NES: variants seen among roughly 807,000 people sequenced by gnomAD.
The protein encoded by NES is nestin.
A neutral mutation model predicts 35.6 loss-of-function variants in NES; 27 were observed. That is an observed-to-expected ratio of 0.76 (90% confidence interval 0.56 to 1.04). NES has a LOEUF of 1.04. NES is among the 50% of genes least tolerant of loss of function. The probability of loss-of-function intolerance (pLI) is 0.00; values close to 1 mark genes in which losing one functional copy is unlikely to be tolerated. For synonymous variants in NES, 822 were observed against 824.2 expected, an observed-to-expected ratio of 1.00 and a Z score of 0.04; for missense variants, 1,867 against 1,983.6, an observed-to-expected ratio of 0.94 and a Z score of 1.12.
At position 156,676,933 on chromosome 1, in the gene NES, C is replaced by A; in HGVS notation, c.332G>T (p.Arg111Leu). ...ARERTTEEVA[R>L]NRRAVEAEKC... Reference sequence around the variant, plus strand: ...CTCTGCCTCGACGGCGCGCCGGTTGCGGGCTACCTCCTCCGTCGTCCGCTC... The same window carrying A: ...CTCTGCCTCGACGGCGCGCCGGTTGAGGGCTACCTCCTCCGTCGTCCGCTC... The change falls in exon 1 of 4, where the codon CGC becomes CTC. Residue 111 changes from arginine (R) to leucine (L), a missense_variant. Transcript: ENST00000368223. This position sits in a 1 kb window ranked among gnomAD's most constrained non-coding sequence, Gnocchi z 5.3. The A allele has an allele frequency of 6.4e-7, 1 of 1,551,678 alleles. No individual in the cohort carries two copies. Among genetic ancestry groups the A allele is most frequent in the Non-Finnish European group, 8.6e-7 (1 of 1,157,468 alleles).
Position 156,671,606 on chromosome 1 carries a change from T to C in NES, c.2582A>G (p.Asn861Ser). Residue 861 changes from asparagine to serine, a missense_variant, in exon 4 of 4, where the codon AAT becomes AGT. Coordinates refer to ENST00000368223, the MANE Select transcript of NES (RefSeq NM_006617.2). ...TPEEINQGAM[N>S]PLEKEIQEPL... ...TTCTTGAATTTCCTTTTCTAGAGGA[T>C]TCATTGCCCCCTGATTTATTTCTTC... 1 of 1,614,016 alleles carries C rather than the reference T, an allele frequency of 6.2e-7. No individual in the cohort carries two copies. Among genetic ancestry groups the C allele is most frequent in the African/African-American group, 1.3e-5 (1 of 75,052 alleles).
rs1030608563 is a variant in NES, at chr1:156,672,061, C to T, written c.2127G>A (p.Glu709=). 9.9e-6 allele frequency: 16 copies of T among 1,612,894 alleles called. No homozygotes were observed. Among genetic ancestry groups the T allele is most frequent in the Non-Finnish European group, 1.3e-5 (15 of 1,179,834 alleles). The change falls in exon 4 of 4, where the codon GAG becomes GAA. Residue 709 remains glutamate (E), a synonymous_variant. Coordinates refer to ENST00000368223, the MANE Select transcript of NES (RefSeq NM_006617.2). ...TCTCTTTTTCTAGAGATCTAAAGGCCTCTTTGTTCTCATCTTCAAGAGACC... is the reference window on the plus strand; with the variant it reads ...TCTCTTTTTCTAGAGATCTAAAGGCTTCTTTGTTCTCATCTTCAAGAGACC... ...PLRSLEDENK[E]AFRSLEKENQ... is the part of the protein sequence containing the mutation.
In NES at chr1:156,671,557, G is replaced by C. The variant is rs1234941863; in HGVS notation, c.2631C>G (p.Asn877Lys). The change falls in exon 4 of 4, where the codon AAC (asparagine) becomes AAG (lysine). Residue 877 changes from asparagine to lysine, a missense_variant. By Grantham distance (94) the Asn-to-Lys change is moderately conservative. Coordinates refer to ENST00000368223, the MANE Select transcript of NES (RefSeq NM_006617.2). Reference protein sequence around the residue: ...IQEPLESVEVNQETFRLLEEE... With the variant: ...IQEPLESVEVKQETFRLLEEE... Reference sequence around the variant, plus strand: ...CTTCCAGGAGTCTGAATGTCTCTTGGTTCACTTCCACAGACTCCAGTGGTT... The same window carrying C: ...CTTCCAGGAGTCTGAATGTCTCTTGCTTCACTTCCACAGACTCCAGTGGTT... 1.9e-6 allele frequency: 3 copies of C among 1,613,834 alleles called. No individual in the cohort carries two copies. In the East Asian group the frequency reaches 6.7e-5, roughly 36 times the overall value.
In NES at chr1:156,670,809, C is replaced by T. The variant is rs756991221; in HGVS notation, c.3379G>A (p.Glu1127Lys). ...EEVMEPPLEE[E>K]SLEAKRVQGL... ...TGAACCCTCTTTGCCTCCAAACTCT[C>T]CTCTTCCAGGGGTGGTTCCATCACC... The change falls in exon 4 of 4, where the codon GAG becomes AAG. Residue 1127 changes from glutamate to lysine, a missense_variant. Coordinates refer to ENST00000368223, the MANE Select transcript of NES (RefSeq NM_006617.2). 1.9e-6 allele frequency: 3 copies of T among 1,614,004 alleles called. No individual in the cohort carries two copies. The highest frequency in any genetic ancestry group is 2.2e-5 in the South Asian group (2 of 91,092).
rs766762866 is a variant in NES at position 156,676,596 on chromosome 1, C to T, written c.669G>A (p.Leu223=). The T allele has an allele frequency of 6.2e-5, 97 of 1,576,536 alleles. No individual in the cohort carries two copies. Among genetic ancestry groups the T allele is most frequent in the Non-Finnish European group, 7.6e-5 (89 of 1,169,478 alleles). The part of the protein sequence containing the change: ...RAVQGAREGR[L]ELQQLQAERG... ...GCTCAGCCTGGAGCTGCTGCAGCTC[C>T]AGGCGGCCCTCGCGGGCACCCTGCA... is the stretch of plus-strand genomic sequence containing the variant. The change falls in exon 1 of 4, where the codon CTG becomes CTA. Residue 223 remains leucine, a synonymous_variant. Transcript: ENST00000368223. The surrounding 1 kb of genome is among the most constrained non-coding windows in gnomAD (Gnocchi z 5.3).
In NES at chr1:156,672,507, C is replaced by G; in HGVS notation, c.1681G>C (p.Glu561Gln). 1 of 1,613,512 alleles carries G rather than the reference C, an allele frequency of 6.2e-7. No individual in the cohort carries two copies. The highest frequency in any genetic ancestry group is 8.5e-7 in the Non-Finnish European group (1 of 1,179,802). ...EEIQESLKTL[E>Q]NQSHETLERE... Reference sequence around the variant, plus strand: ...TCTAGTGTCTCATGGCTCTGGTTTTCCAGAGTCTTCAGTGACTCTTGAATC... The same window carrying G: ...TCTAGTGTCTCATGGCTCTGGTTTTGCAGAGTCTTCAGTGACTCTTGAATC... Residue 561 changes from glutamate to glutamine, a missense_variant, in exon 4 of 4, where the codon GAA becomes CAA. By Grantham distance (29) the Glu-to-Gln change is conservative. Transcript: ENST00000368223.
At position 156,676,954 on chromosome 1, in the gene NES, C is replaced by A. The variant is rs1205881310; in HGVS notation, c.311G>T (p.Arg104Leu). The change falls in exon 1 of 4, where the codon CGG becomes CTG. Residue 104 changes from arginine to leucine, a missense_variant. By Grantham distance (102) the Arg-to-Leu change is moderately radical. Coordinates refer to ENST00000368223, the MANE Select transcript of NES (RefSeq NM_006617.2). This position sits in a 1 kb window ranked among gnomAD's most constrained non-coding sequence, Gnocchi z 5.3. ...RCQQLRLARE[R>L]TTEEVARNRR... is the part of the protein sequence containing the mutation. ...GTTGCGGGCTACCTCCTCCGTCGTC[C>A]GCTCCCGGGCCAGCCGCAGCTGCTG... 1 of 1,556,792 alleles carries A rather than the reference C, an allele frequency of 6.4e-7. No individual in the cohort carries two copies. The highest frequency in any genetic ancestry group is 1.2e-5 in the South Asian group (1 of 85,834).
In NES at chr1:156,672,950, G is replaced by C; in HGVS notation, c.1238C>G (p.Ser413Cys). The change falls in exon 4 of 4, where the codon TCT (serine) becomes TGT (cysteine). Residue 413 changes from serine to cysteine, a missense_variant. Transcript: ENST00000368223. Reference protein sequence around the residue: ...AEIRAQDAPLSLLQTQGGRKQ... With the variant: ...AEIRAQDAPLCLLQTQGGRKQ... ...CCTCCCACCCTGTGTCTGGAGCAGA[G>C]AGAGAGGAGCATCCTGGGCTCTGAT... 1 of 1,614,120 alleles carries C rather than the reference G, an allele frequency of 6.2e-7. No individual in the cohort carries two copies. The highest frequency in any genetic ancestry group is 1.1e-5 in the South Asian group (1 of 91,086).
In NES at chr1:156,671,260, A is replaced by G; in HGVS notation, c.2928T>C (p.Asp976=). 6.2e-7 allele frequency: 1 copy of G among 1,613,910 alleles called. No individual in the cohort carries two copies. Among genetic ancestry groups the G allele is most frequent in the Non-Finnish European group, 8.5e-7 (1 of 1,179,976 alleles). ...GCTCCCTCAGATTCAGCTCTGCCTC[A>G]TCCTCATTTTCCACTCCAGCCATCC... ...PPGMAGVENE[D]EAELNLREQD... The change falls in exon 4 of 4, where the codon GAT becomes GAC. Residue 976 remains aspartate (D), a synonymous_variant. Transcript: ENST00000368223.
At position 156,677,066 on chromosome 1, in the gene NES, C is replaced by G. The variant is rs757246210; in HGVS notation, c.199G>C (p.Val67Leu). The change falls in exon 1 of 4, where the codon GTT becomes CTT. Residue 67 changes from valine to leucine, a missense_variant. By Grantham distance (32) the Val-to-Leu change is conservative. Coordinates refer to ENST00000368223, the MANE Select transcript of NES (RefSeq NM_006617.2). This position sits in a 1 kb window ranked among gnomAD's most constrained non-coding sequence, Gnocchi z 4.5. ...DDELAALRAL[V>L]DQRWREKHAA... ...TGCTTCTCCCGCCAGCGTTGGTCAACGAGGGCCCGCAGGGCCGCCAGCTCG... is the reference window on the plus strand; with the variant it reads ...TGCTTCTCCCGCCAGCGTTGGTCAAGGAGGGCCCGCAGGGCCGCCAGCTCG... 1.1e-5 allele frequency: 18 copies of G among 1,598,524 alleles called. No homozygotes were observed. The highest frequency in any genetic ancestry group is 1.5e-5 in the Non-Finnish European group (18 of 1,174,500).
intron 1 of NES, among the ~76,000 whole-genome samples, chr1:156,675,898 C>T (rs1038463463): frequency 6.6e-6 from 1 of 152,172 alleles, no homozygotes; most frequent in African/African-American, 2.4e-5. Flanking sequence ...GTGGCCATGG[C>T]ACCTCTGTGT....
Position 156,677,252 on chromosome 1 carries a change from T to C in NES, c.13A>G (p.Met5Val), listed in dbSNP as rs1415546481. Residue 5 changes from methionine (M) to valine (V), a missense_variant, in exon 1 of 4, where the codon ATG (methionine) becomes GTG (valine). Coordinates refer to ENST00000368223, the MANE Select transcript of NES (RefSeq NM_006617.2). The surrounding 1 kb of genome is among the most constrained non-coding windows in gnomAD (Gnocchi z 4.5). ...CACATCTGAAACGACTCCTCCCCCATGCAGCCCTCCATCCTGCTCGTCTGA... is the reference window on the plus strand; with the variant it reads ...CACATCTGAAACGACTCCTCCCCCACGCAGCCCTCCATCCTGCTCGTCTGA... MEGC[M>V]GEESFQMWEL... The C allele has an allele frequency of 1.2e-6, 2 of 1,612,064 alleles. No individual in the cohort carries two copies. The highest frequency in any genetic ancestry group is 1.7e-6 in the Non-Finnish European group (2 of 1,179,722).
intron 2 of NES, among the ~76,000 whole-genome samples, chr1:156,674,555 G>A (rs938958853): frequency 2.0e-5 from 3 of 152,166 alleles, no homozygotes; most frequent in Non-Finnish European, 2.9e-5. Flanking sequence ...CAGCCAACAG[G>A]ACCAGTTTCC....
chr1:156,675,200 AG>A lies in NES; in HGVS notation c.908+15del. ...TGTGCCTCTGTGTGCCTGGGTGGAC[AG>A]GGCTCGTCTCGTACCTGTACGTGGC... On this transcript the variant is annotated intron_variant, in intron 2 of 3. Coordinates refer to ENST00000368223, the MANE Select transcript of NES (RefSeq NM_006617.2). 1 of 1,610,420 alleles carries A rather than the reference AG, an allele frequency of 6.2e-7. No homozygotes were observed. The highest frequency in any genetic ancestry group is 8.5e-7 in the Non-Finnish European group (1 of 1,177,804).
In NES at chr1:156,676,792, G is replaced by T. The variant is rs760012593; in HGVS notation, c.473C>A (p.Ala158Asp). 1.4e-6 allele frequency: 2 copies of T among 1,399,336 alleles called. No individual in the cohort carries two copies. The highest frequency in any genetic ancestry group is 2.9e-5 in the East Asian group (1 of 34,588). 86.7% of individuals were successfully genotyped at this position (1,399,336 alleles called of 1,614,324 possible). A position where few individuals can be genotyped will look rare whatever the true frequency, so the allele number is the denominator to read the frequency against. Residue 158 changes from alanine to aspartate, a missense_variant, in exon 1 of 4, where the codon GCC becomes GAC. By Grantham distance (126) the Ala-to-Asp change is moderately radical (BLOSUM62 -2). Transcript: ENST00000368223. This position sits in a 1 kb window ranked among gnomAD's most constrained non-coding sequence, Gnocchi z 5.3. Reference sequence around the variant, plus strand: ...GCGGGGCGGCGCGGGGCAGCGGGGGGCACAGGCAGCCTGCGCGTTCAGGCC... The same window carrying T: ...GCGGGGCGGCGCGGGGCAGCGGGGGTCACAGGCAGCCTGCGCGTTCAGGCC... ...RVGLNAQAACAPRCPAPPRGP... is the reference protein window; with the variant it reads ...RVGLNAQAACDPRCPAPPRGP...
In NES at chr1:156,669,805, A is replaced by C; in HGVS notation, c.4383T>G (p.Asp1461Glu). The C allele has an allele frequency of 1.5e-5, 25 of 1,613,970 alleles. No homozygotes were observed. The highest frequency in any genetic ancestry group is 2.1e-5 in the Non-Finnish European group (25 of 1,179,986). The change falls in exon 4 of 4, where the codon GAT becomes GAG. Residue 1461 changes from aspartate (D) to glutamate (E), a missense_variant. By Grantham distance (45) the Asp-to-Glu change is conservative. Transcript: ENST00000368223. The stretch of plus-strand genomic sequence containing the variant: ...CCCAGGGGACACTGACACTCACAGA[A>C]TCAGACTCCAGGAATTCCCCTCTCT... ...SSQRGEFLESDSVSVSVPWDD... is the reference protein window; with the variant it reads ...SSQRGEFLESESVSVSVPWDD...
At chr1:156,673,597 GA>G in intron 2 of NES, 70 bp from the exon 3 acceptor site, 1 of 1,188,822 alleles carries the variant, frequency 8.4e-7, no homozygotes. Flanking sequence ...GCCAGCTGGG[GA>G]CAACTCAGGC....
rs866938496 is a variant in NES at position 156,673,209 on chromosome 1, G to A, written c.983-4C>T. ...AATTGCAGCTCCAGCTTGGGGTCTG[G>A]AAAGGCAGAGGGGGAAGAAACAGCA... On this transcript the variant is annotated splice_polypyrimidine_tract_variant and splice_region_variant and intron_variant, in intron 3 of 3. Coordinates refer to ENST00000368223, the MANE Select transcript of NES (RefSeq NM_006617.2). 2 of 1,505,524 alleles carry A rather than the reference G, an allele frequency of 1.3e-6. No individual in the cohort carries two copies. Among genetic ancestry groups the A allele is most frequent in the African/African-American group, 1.4e-5 (1 of 71,672 alleles). The allele number at this position is 1,505,524 out of a possible 1,614,324, so 93.3% of individuals were successfully genotyped here.
At chr1:156,673,378 C>G in intron 3 of NES, 76 bp downstream of exon 3, 1 of 1,436,424 alleles carries the variant, frequency 7.0e-7, no homozygotes, top group South Asian at 1.2e-5. Flanking sequence ...TAGATTGGTG[C>G]CTCTCGGGAA....
Sources: allele counts gnomAD v4.1 joint callset (sites outside exome capture counted in the v4.1 genomes callset), GRCh38; gene constraint gnomAD v4.1.1; non-coding constraint Gnocchi (gnomAD v3.1); transcripts MANE v1.5; gene names NCBI Gene and HGNC (gene_info 2026-07-23, HGNC 2026-07-21).